Variants in RABGAP1L observed in about 807,000 individuals in gnomAD.
RABGAP1L encodes the protein RAB GTPase activating protein 1 like, also known as rab GTPase-activating protein 1-like.
RABGAP1L carries 63 observed loss-of-function variants against 137.7 expected under a neutral mutation model. The ratio of observed to expected loss-of-function variants is 0.46; its 90% CI spans 0.37 to 0.56. RABGAP1L has a LOEUF of 0.56. Among genes scored for constraint, RABGAP1L ranks in the 20% least tolerant of loss-of-function variants. The pLI, the probability that RABGAP1L is intolerant of heterozygous loss-of-function variation, is 0.00. For missense variants in RABGAP1L, 1,095 were observed against 1,244.0 expected, an observed-to-expected ratio of 0.88 and a Z score of 1.80; for synonymous variants, 431 against 433.7, an observed-to-expected ratio of 0.99 and a Z score of 0.08.
intron 1 of RABGAP1L, among the ~76,000 whole-genome samples, chr1:174,189,488 T>C (rs1028737170): frequency 2.6e-5 from 4 of 152,246 alleles, no homozygotes; most frequent in African/African-American, 9.6e-5. Context: ...TCTTTAAACC[T>C]CGCTTATCGT....
At chr1:174,464,210 G>T (rs1365697839) in intron 13 of RABGAP1L, among the ~76,000 whole-genome samples, 2 of 152,094 alleles carry the variant, frequency 1.3e-5, no homozygotes, top group Non-Finnish European at 2.9e-5. Context: ...AACCTTTGGG[G>T]TTTATTGCAG....
intron 13 of RABGAP1L, among the ~76,000 whole-genome samples, chr1:174,547,029 C>CAAAAAA (rs375413887): frequency 1.0e-4 from 8 of 78,242 alleles, no homozygotes; most frequent in East Asian, 1.0e-3. Flanking sequence ...GACTCTGTCT[C>CAAAAAA]AAAAAAAAAA....
chr1:174,387,368 A>G (rs189688519), intron 12 of RABGAP1L, among the ~76,000 whole-genome samples: 2 of 152,314 alleles, frequency 1.3e-5, no homozygotes, highest in African/African-American at 4.8e-5. Context: ...GCAGACCTTT[A>G]AACAGAAAAT....
chr1:174,195,725 T>C (rs1199133985), intron 1 of RABGAP1L, among the ~76,000 whole-genome samples: 3 of 99,606 alleles, frequency 3.0e-5, no homozygotes, highest in Admixed American at 1.0e-4. Context: ...TTCTTTCTTT[T>C]CTTTCTTTTC....
chr1:174,891,776 A>G (rs990603906), intron 19 of RABGAP1L, among the ~76,000 whole-genome samples: 1 of 152,142 alleles, frequency 6.6e-6, no homozygotes, highest in African/African-American at 2.4e-5. Flanking sequence ...AAGTGCTGGG[A>G]TTATAGGTGT....
intron 13 of RABGAP1L, among the ~76,000 whole-genome samples, chr1:174,596,527 G>C (rs998719926): frequency 6.6e-6 from 1 of 151,890 alleles, no homozygotes; most frequent in African/African-American, 2.4e-5. Context: ...GTTCATTGTT[G>C]GCATATTTAA....
intron 14 of RABGAP1L, among the ~76,000 whole-genome samples, chr1:174,674,232 T>TC (rs896283939): frequency 1.4e-5 from 2 of 142,046 alleles, no homozygotes; most frequent in East Asian, 2.1e-4. Context: ...ATGCTATCCT[T>TC]CCCCCCTCCC....
rs539827367 is a variant in RABGAP1L at position 174,524,683 on chromosome 1, G to A, written c.1711-112692G>A. Among the ~76,000 whole-genome samples, 296 of 145,862 alleles carry A rather than the reference G, an allele frequency of 2.0e-3. 1 individual carries two copies. The highest frequency in any genetic ancestry group is 7.4e-3 in the African/African-American group (281 of 38,026). On this transcript the variant is annotated intron_variant, in intron 13 of 25. Coordinates refer to ENST00000681986, the MANE Select transcript of RABGAP1L (RefSeq NM_001366446.1). Reference sequence around the variant, plus strand: ...TTGTTTATTTTTGTTTTAGTTTTTTGTGCTTTTAAGGTCTTAGCTGTAAAA... The same window carrying A: ...TTGTTTATTTTTGTTTTAGTTTTTTATGCTTTTAAGGTCTTAGCTGTAAAA...
chr1:174,579,234 G>A (rs1350737146), intron 13 of RABGAP1L, among the ~76,000 whole-genome samples: 1 of 152,106 alleles, frequency 6.6e-6, no homozygotes, highest in African/African-American at 2.4e-5. Context: ...AGCATGGCAC[G>A]TTGGATAGGG....
Position 174,348,733 on chromosome 1 carries a change from T to C in RABGAP1L, c.1466-22246T>C, listed in dbSNP as rs1309972711. Among the ~76,000 whole-genome samples, 8 of 149,106 alleles carry C rather than the reference T, an allele frequency of 5.4e-5. No individual in the cohort carries two copies. The East Asian group carries it at 8.0e-4, about 15-fold the overall frequency. On this transcript the variant is annotated intron_variant, in intron 11 of 25. Coordinates refer to ENST00000681986, the MANE Select transcript of RABGAP1L (RefSeq NM_001366446.1). ...GCACCGCCCTTAATCCATTTAACCCTGAGTGGACACAGCACATGTTTCAGA... is the reference window on the plus strand; with the variant it reads ...GCACCGCCCTTAATCCATTTAACCCCGAGTGGACACAGCACATGTTTCAGA...
intron 10 of RABGAP1L, among the ~76,000 whole-genome samples, chr1:174,287,283 T>C (rs924770152): frequency 2.0e-5 from 3 of 152,198 alleles, no homozygotes; most frequent in Admixed American, 6.5e-5. Flanking sequence ...TATATAATGA[T>C]CTTCTTTGTC....
intron 21 of RABGAP1L, among the ~76,000 whole-genome samples, chr1:174,974,416 C>T (rs183596787): frequency 6.6e-6 from 1 of 152,226 alleles, no homozygotes; most frequent in East Asian, 1.9e-4. Context: ...CTTTGTGCTT[C>T]CATGGTTTAT....
chr1:174,245,771 G>A (rs1357297675), intron 5 of RABGAP1L: 1 of 152,222 alleles, frequency 6.6e-6, no homozygotes, highest in Non-Finnish European at 1.5e-5. Flanking sequence ...GAGTAGCTGG[G>A]ATTACAGGCA....
At chr1:174,634,088 T>C in intron 13 of RABGAP1L, among the ~76,000 whole-genome samples, 2 of 117,332 alleles carry the variant, frequency 1.7e-5, no homozygotes, top group African/African-American at 3.5e-5. Context: ...ACCATCAGAG[T>C]GAACAGGCAA....
intron 1 of RABGAP1L, among the ~76,000 whole-genome samples, chr1:174,195,670 T>A: frequency 1.1e-5 from 1 of 87,578 alleles, no homozygotes; most frequent in Non-Finnish European, 2.1e-5. Context: ...TTCCTTTCCT[T>A]TCCTTCTTTC....
intron 13 of RABGAP1L, among the ~76,000 whole-genome samples, chr1:174,476,297 A>G (rs1378953938): frequency 6.6e-6 from 1 of 152,164 alleles, no homozygotes; most frequent in Non-Finnish European, 1.5e-5. Context: ...ATAAGATTTT[A>G]ATAGTAAGTT....
chr1:174,350,096 C>T (rs1408979766), intron 11 of RABGAP1L, among the ~76,000 whole-genome samples: 10 of 140,732 alleles, frequency 7.1e-5, no homozygotes, highest in Non-Finnish European at 1.6e-4. Flanking sequence ...GGCTGACCCC[C>T]CCACCTCCCT....
intron 15 of RABGAP1L, among the ~76,000 whole-genome samples, chr1:174,686,805 G>C (rs535289032): frequency 6.6e-6 from 1 of 151,494 alleles, no homozygotes; most frequent in Admixed American, 6.6e-5. Context: ...ACAGGCACAC[G>C]TATCACCATG....
chr1:174,875,516 T>G (rs1453785267), intron 19 of RABGAP1L: 2 of 985,142 alleles, frequency 2.0e-6, no homozygotes, highest in African/African-American at 3.5e-5. Flanking sequence ...GGTGTCTTTG[T>G]CAGTGCACCT....
Sources: gnomAD v4.1 joint callset for allele counts (sites outside exome capture counted in the v4.1 genomes callset) on GRCh38, gnomAD v4.1.1 for gene constraint, MANE v1.5 for transcripts, NCBI Gene and HGNC (gene_info 2026-07-23, HGNC 2026-07-21) for gene names.